RAB36: variants seen among roughly 807,000 people sequenced by gnomAD.
The protein encoded by RAB36 is ras-related protein Rab-36.
A neutral mutation model predicts 39.3 loss-of-function variants in RAB36; 33 were observed. The ratio of observed to expected loss-of-function variants is 0.84; its 90% CI spans 0.64 to 1.12. The LOEUF is 1.12. RAB36 is among the 50% of genes most tolerant of loss of function. The pLI is 0.00. For missense variants in RAB36, 308 were observed against 355.3 expected (o/e 0.87, Z 1.07); for synonymous variants, 133 against 140.2 (o/e 0.95, Z 0.36).
intron 7 of RAB36, among the ~76,000 whole-genome samples, chr22:23,158,622 G>A (rs2071597248): frequency 6.6e-6 from 1 of 152,226 alleles, no homozygotes; most frequent in South Asian, 2.1e-4. Context: ...AACATGCAGG[G>A]CTCATGCAAG....
At chr22:23,151,909 C>T (rs934643106) in intron 3 of RAB36, among the ~76,000 whole-genome samples, 1 of 152,178 alleles carries the variant, frequency 6.6e-6, no homozygotes, top group Non-Finnish European at 1.5e-5. Flanking sequence ...CTTGGCCTGT[C>T]GGACCCTTAC....
rs1247799439 is a variant in RAB36, at chr22:23,152,938, AC to A, written c.228-93del. The A allele has an allele frequency of 3.4e-6, 3 of 874,038 alleles. No homozygotes were observed. In the African/African-American group the frequency reaches 5.0e-5, roughly 15 times the overall value. 54.1% of individuals were successfully genotyped at this position (874,038 alleles called of 1,614,324 possible). On this transcript the variant is annotated intron_variant, in intron 4 of 10. Transcript: ENST00000263116. ...ACCATCGCTTCCTGATGGGAAGTGG[AC>A]CTTATTTGCCTAAAGACTTGCAGTG...
At chr22:23,159,012 C>T in intron 8 of RAB36, 33 bp downstream of exon 8, 1 of 1,608,760 alleles carries the variant, frequency 6.2e-7, no homozygotes, top group Non-Finnish European at 8.5e-7. Context: ...TCTGGGTGGC[C>T]CTTGGGAAAA....
intron 3 of RAB36, among the ~76,000 whole-genome samples, 171 bp downstream of exon 3, chr22:23,150,325 A>G (rs1380962055): frequency 1.4e-5 from 2 of 143,550 alleles, no homozygotes; most frequent in Admixed American, 1.4e-4. Context: ...TTTTTGAGAC[A>G]GAGTCTCGCT....
chr22:23,155,466 C>G (rs1192037160), intron 5 of RAB36, among the ~76,000 whole-genome samples: 5 of 152,170 alleles, frequency 3.3e-5, no homozygotes, highest in Admixed American at 6.5e-5. Context: ...ACCTATTGCT[C>G]CAGTGTTAGG....
chr22:23,157,825 AG>A (rs2071545096), intron 6 of RAB36, among the ~76,000 whole-genome samples, 166 bp from the exon 7 acceptor site: 1 of 152,228 alleles, frequency 6.6e-6, no homozygotes, highest in African/African-American at 2.4e-5. Flanking sequence ...GGTGGGGGAC[AG>A]CCATGGGGTG....
In RAB36 at chr22:23,151,111, G is replaced by A. The variant is rs570948150; in HGVS notation, c.161+957G>A. Among the ~76,000 whole-genome samples, 9 of 152,372 alleles carry A rather than the reference G, an allele frequency of 5.9e-5. No individual in the cohort carries two copies. The South Asian group carries it at 8.3e-4, about 14-fold the overall frequency. ...GAGCTCACAGGGGTCACAGAGGTGC[G>A]ATGAGGCTGCCAGAGAGCGCAGCTA... On this transcript the variant is annotated intron_variant, in intron 3 of 10. Coordinates refer to ENST00000263116, the MANE Select transcript of RAB36 (RefSeq NM_004914.5).
At position 23,162,372 on chromosome 22, in the gene RAB36, C is replaced by T; in HGVS notation, c.*808C>T. 1 of 337,608 alleles carries T rather than the reference C, an allele frequency of 3.0e-6. No individual in the cohort carries two copies. The highest frequency in any genetic ancestry group is 2.3e-5 in the South Asian group (1 of 42,934). The allele number at this position is 337,608 out of a possible 1,614,324, so 20.9% of individuals were successfully genotyped here. On this transcript the variant is annotated 3_prime_UTR_variant, in exon 11 of 11. Transcript: ENST00000263116. ...ACTGCACAGCTGTCCTAGGGTAACT[C>T]ACTCTGCAGCCCTTGAACATGGCAC...
Position 23,152,498 on chromosome 22 carries a change from T to C in RAB36, c.199T>C (p.Tyr67His), listed in dbSNP as rs1435676319. The C allele has an allele frequency of 6.2e-7, 1 of 1,614,096 alleles. No homozygotes were observed. The highest frequency in any genetic ancestry group is 8.5e-7 in the Non-Finnish European group (1 of 1,179,928). The change falls in exon 4 of 11, where the codon TAC becomes CAC. Residue 67 changes from tyrosine (Y) to histidine (H), a missense_variant. Physicochemically the swap from Tyr to His is moderately conservative, Grantham distance 83. Coordinates refer to ENST00000263116, the MANE Select transcript of RAB36 (RefSeq NM_004914.5). ...LSKVVVVGDL[Y>H]VGKTSLIHRF... Reference sequence around the variant, plus strand: ...CAAGGTGGTGGTGGTTGGCGATCTCTACGTGGGGAAGACCAGCCTCATCCA... The same window carrying C: ...CAAGGTGGTGGTGGTTGGCGATCTCCACGTGGGGAAGACCAGCCTCATCCA...
Position 23,159,209 on chromosome 22 carries a change from C to A in RAB36, c.575C>A (p.Ala192Asp). 1.2e-6 allele frequency: 2 copies of A among 1,608,372 alleles called. No homozygotes were observed. The highest frequency in any genetic ancestry group is 1.7e-6 in the Non-Finnish European group (2 of 1,177,808). Residue 192 changes from alanine (A) to aspartate (D), a missense_variant, in exon 9 of 11, where the codon GCC becomes GAC. Transcript: ENST00000263116. Reference protein sequence around the residue: ...EQAEADAVHLAREMQAEYWSV... With the variant: ...EQAEADAVHLDREMQAEYWSV... Reference sequence around the variant, plus strand: ...GCCGAAGCAGACGCTGTGCACCTGGCCAGGGAGATGCAGGCCGAGTACTGG... The same window carrying A: ...GCCGAAGCAGACGCTGTGCACCTGGACAGGGAGATGCAGGCCGAGTACTGG...
Position 23,160,913 on chromosome 22 carries a change from C to A in RAB36, c.654C>A (p.Ala218=), listed in dbSNP as rs376518681. ...ENVKAFFSRV[A]ALAFEQSVLQ... is the part of the protein sequence containing the mutation. ...TGAAGGCATTCTTCAGCCGCGTAGC[C>A]GCCCTGGCATTCGAGCAGTCGGTGC... Residue 218 remains alanine (A), a synonymous_variant, in exon 10 of 11, where the codon GCC becomes GCA. Transcript: ENST00000263116. 2 of 1,613,910 alleles carry A rather than the reference C, an allele frequency of 1.2e-6. No individual in the cohort carries two copies. The highest frequency in any genetic ancestry group is 1.7e-6 in the Non-Finnish European group (2 of 1,179,928).
intron 9 of RAB36, among the ~76,000 whole-genome samples, chr22:23,160,242 G>A (rs2071695065): frequency 6.6e-6 from 1 of 152,198 alleles, no homozygotes; most frequent in African/African-American, 2.4e-5. Context: ...TTCCAACAGT[G>A]AGAACTGCTC....
At chr22:23,153,405 A>T (rs1040003192) in intron 5 of RAB36, 13 of 235,764 alleles carry the variant, frequency 5.5e-5, no homozygotes, top group Admixed American at 2.6e-4. Flanking sequence ...TGCCCACCCC[A>T]CTCCTCTTGA....
rs2071252107 is a variant in RAB36 at position 23,153,062 on chromosome 22, A to G, written c.257A>G (p.Tyr86Cys). ...TGCAAGAATGTTTTTGATCGAGACT[A>G]CAAGGCCACCATTGGGGTGGACTTT... is the stretch of plus-strand genomic sequence containing the variant. Reference protein sequence around the residue: ...RFCKNVFDRDYKATIGVDFEI... With the variant: ...RFCKNVFDRDCKATIGVDFEI... Residue 86 changes from tyrosine (Y) to cysteine (C), a missense_variant, in exon 5 of 11, where the codon TAC becomes TGC. Coordinates refer to ENST00000263116, the MANE Select transcript of RAB36 (RefSeq NM_004914.5). 1.2e-6 allele frequency: 2 copies of G among 1,614,088 alleles called. No individual in the cohort carries two copies. Among genetic ancestry groups the G allele is most frequent in the Non-Finnish European group, 1.7e-6 (2 of 1,179,966 alleles).
chr22:23,149,989 C>T, intron 2 of RAB36, 74 bp from the exon 3 acceptor site: 1 of 1,184,300 alleles, frequency 8.4e-7, no homozygotes, highest in African/African-American at 1.5e-5. Flanking sequence ...AGATCATCTC[C>T]CCTCACTGCT....
Position 23,153,024 on chromosome 22 carries a change from C to T in RAB36, c.228-9C>T. 6.2e-7 allele frequency: 1 copy of T among 1,604,804 alleles called. No homozygotes were observed. Among genetic ancestry groups the T allele is most frequent in the Non-Finnish European group, 8.5e-7 (1 of 1,171,676 alleles). ...TACACCCCTGTGACGACTTCCTCATCCCCCACAGGTTTTGCAAGAATGTTT... is the reference window on the plus strand; with the variant it reads ...TACACCCCTGTGACGACTTCCTCATTCCCCACAGGTTTTGCAAGAATGTTT... On this transcript the variant is annotated splice_polypyrimidine_tract_variant and intron_variant, in intron 4 of 10. Transcript: ENST00000263116.
In RAB36 at chr22:23,162,577, G is replaced by A. The variant is rs1392366203; in HGVS notation, c.*1013G>A. The A allele has an allele frequency of 4.4e-6, 2 of 451,152 alleles. No individual in the cohort carries two copies. The highest frequency in any genetic ancestry group is 4.0e-5 in the African/African-American group (2 of 50,018). 27.9% of individuals were successfully genotyped at this position (451,152 alleles called of 1,614,324 possible). A position where few individuals can be genotyped will look rare whatever the true frequency, so the allele number is the denominator to read the frequency against. On this transcript the variant is annotated 3_prime_UTR_variant, in exon 11 of 11. Coordinates refer to ENST00000263116, the MANE Select transcript of RAB36 (RefSeq NM_004914.5). ...CAACACCGCCTCCTGCACATGCAGAGCAGACAGAAATACCCCACACATTCC... is the reference window on the plus strand; with the variant it reads ...CAACACCGCCTCCTGCACATGCAGAACAGACAGAAATACCCCACACATTCC...
rs71744650 is a variant in RAB36, at chr22:23,163,606, G to GCCCCCCCCCCCC, written c.*2052_*2053insCCCCCCCCCCCC. ...AAAGCATATAAAATACAAGGTGAAA[G>GCCCCCCCCCCCC]CCCCCCCCCCGCCACATTAGCTGCG... On this transcript the variant is annotated 3_prime_UTR_variant, in exon 11 of 11. Transcript: ENST00000263116. 4.9e-4 allele frequency: 61 copies of GCCCCCCCCCCCC among 125,178 alleles called. 3 individuals are homozygous for GCCCCCCCCCCCC. Among genetic ancestry groups the GCCCCCCCCCCCC allele is most frequent in the Non-Finnish European group, 8.3e-4 (46 of 55,702 alleles). The allele number at this position is 125,178 out of a possible 1,614,324, so 7.8% of individuals were successfully genotyped here.
intron 9 of RAB36, among the ~76,000 whole-genome samples, chr22:23,160,668 G>A (rs933209191): frequency 6.6e-6 from 1 of 152,154 alleles, no homozygotes; most frequent in African/African-American, 2.4e-5. Context: ...GAGCCAGGTG[G>A]GAGGCCAGGC....
Sources: allele counts gnomAD v4.1 joint callset (sites outside exome capture counted in the v4.1 genomes callset), GRCh38; gene constraint gnomAD v4.1.1; transcripts MANE v1.5; gene names NCBI Gene and HGNC (gene_info 2026-07-23, HGNC 2026-07-21).